Variants in PAIP1 observed in about 807,000 individuals in gnomAD.
PAIP1 encodes the protein polyadenylate-binding protein-interacting protein 1.
Under a neutral mutation model 61.3 loss-of-function variants are expected in PAIP1, and 16 were observed. The ratio of observed to expected loss-of-function variants is 0.26; its 90% CI spans 0.18 to 0.40. The LOEUF (loss-of-function observed/expected upper bound fraction) is 0.40. Ranked by LOEUF, PAIP1 falls within the 10% of genes least tolerant of loss-of-function variation. The pLI is 1.00. For missense variants in PAIP1, 416 were observed against 600.9 expected (o/e 0.69, Z 3.22); for synonymous variants, 187 against 226.2 (o/e 0.83, Z 1.56).
At chr5:43,547,590 A>G in intron 3 of PAIP1, 138 bp downstream of exon 3, 1 of 613,380 alleles carries the variant, frequency 1.6e-6, no homozygotes, top group Middle Eastern at 4.5e-4. Flanking sequence ...TACAAGACAG[A>G]CTTAGAACTC....
intron 2 of PAIP1, among the ~76,000 whole-genome samples, chr5:43,552,228 G>A (rs752477962): frequency 6.6e-6 from 1 of 152,318 alleles, no homozygotes; most frequent in East Asian, 1.9e-4. Flanking sequence ...TAAGGCAAGG[G>A]TGTGCAGGAG....
At chr5:43,534,783 T>C (rs1579909370) in intron 8 of PAIP1, 70 bp downstream of exon 8, 1 of 832,078 alleles carries the variant, frequency 1.2e-6, no homozygotes, top group Non-Finnish European at 2.1e-6. Context: ...AACAGCTTTA[T>C]GTAGCTCTTC....
At chr5:43,552,964 G>A in intron 2 of PAIP1, among the ~76,000 whole-genome samples, 1 of 152,192 alleles carries the variant, frequency 6.6e-6, no homozygotes, top group East Asian at 1.9e-4. Flanking sequence ...AACAGTGAGA[G>A]ACAGTGAATA....
intron 1 of PAIP1, 108 bp from the exon 2 acceptor site, chr5:43,556,107 A>C: frequency 6.9e-7 from 1 of 1,457,954 alleles, no homozygotes; most frequent in Non-Finnish European, 9.2e-7. Flanking sequence ...AGAGTTAAAC[A>C]GGAACCATCA....
intron 2 of PAIP1, among the ~76,000 whole-genome samples, chr5:43,548,889 A>C (rs1747745749): frequency 6.6e-6 from 1 of 152,232 alleles, no homozygotes; most frequent in South Asian, 2.1e-4. Context: ...TAGAAGAAAA[A>C]AAAAGTCATA....
chr5:43,551,514 C>T (rs1747866121), intron 2 of PAIP1, among the ~76,000 whole-genome samples: 1 of 152,146 alleles, frequency 6.6e-6, no homozygotes, highest in African/African-American at 2.4e-5. Context: ...TGTACACATT[C>T]ATATACTTAA....
chr5:43,551,014 T>A (rs1246868267), intron 2 of PAIP1, among the ~76,000 whole-genome samples: 1 of 151,990 alleles, frequency 6.6e-6, no homozygotes, highest in East Asian at 1.9e-4. Context: ...AAAAAGACAA[T>A]AACTAGAATA....
intron 3 of PAIP1, among the ~76,000 whole-genome samples, chr5:43,544,146 T>TAAAAA (rs568177939): frequency 5.5e-5 from 4 of 72,732 alleles, no homozygotes; most frequent in Admixed American, 1.9e-4. Context: ...CCCATCTTTT[T>TAAAAA]AAAAAAAAAA....
rs1339626902 is a variant in PAIP1 at position 43,526,484 on chromosome 5, A to G, written c.*892T>C. Reference sequence around the variant, plus strand: ...GCTGGAAAAAGATTTGACATTAGGTAAAAATATTATTTATTAGGGCTGAGG... The same window carrying G: ...GCTGGAAAAAGATTTGACATTAGGTGAAAATATTATTTATTAGGGCTGAGG... On this transcript the variant is annotated 3_prime_UTR_variant, in exon 11 of 11. Coordinates refer to ENST00000306846, the MANE Select transcript of PAIP1 (RefSeq NM_006451.5). 2 of 151,976 alleles carry G rather than the reference A, an allele frequency of 1.3e-5. No homozygotes were observed. Among genetic ancestry groups the G allele is most frequent in the Admixed American group, 1.3e-4 (2 of 15,168 alleles). The allele number at this position is 151,976 out of a possible 1,614,324, so 9.4% of individuals were successfully genotyped here.
At chr5:43,538,830 TG>T in intron 5 of PAIP1, 93 bp downstream of exon 5, 1 of 712,694 alleles carries the variant, frequency 1.4e-6, no homozygotes. Flanking sequence ...TCACTCTTAA[TG>T]TTGTAAAAGT....
intron 1 of PAIP1, 47 bp downstream of exon 1, chr5:43,556,535 G>A (rs1748087567): frequency 1.6e-6 from 2 of 1,240,198 alleles, no homozygotes; most frequent in Non-Finnish European, 2.0e-6. Context: ...AGGGCCGTGG[G>A]GAAGCGTTCG....
intron 6 of PAIP1, among the ~76,000 whole-genome samples, chr5:43,535,883 G>T (rs1255900209): frequency 1.3e-5 from 2 of 151,580 alleles, no homozygotes; most frequent in East Asian, 3.9e-4. Context: ...TTATGTCAAC[G>T]ACTGTTATAT....
chr5:43,545,191 T>C (rs1747586862), intron 3 of PAIP1, among the ~76,000 whole-genome samples: 1 of 152,242 alleles, frequency 6.6e-6, no homozygotes, highest in Non-Finnish European at 1.5e-5. Flanking sequence ...TTACAGCATG[T>C]GTGCTCATCT....
chr5:43,553,425 C>A (rs146640056), intron 2 of PAIP1, among the ~76,000 whole-genome samples: 261 of 152,268 alleles, frequency 1.7e-3, no homozygotes, highest in African/African-American at 6.0e-3. Context: ...GCAAACTGAG[C>A]CAGGAGACTA....
At chr5:43,536,462 A>G (rs1747160071) in intron 6 of PAIP1, among the ~76,000 whole-genome samples, 1 of 152,180 alleles carries the variant, frequency 6.6e-6, no homozygotes, top group East Asian at 1.9e-4. Flanking sequence ...AAAGAGGTAA[A>G]TCTCTGTGCC....
Position 43,556,002 on chromosome 5 carries a change from G to C in PAIP1, c.266-3C>G. 6.3e-7 allele frequency: 1 copy of C among 1,599,208 alleles called. No homozygotes were observed. Among genetic ancestry groups the C allele is most frequent in the East Asian group, 2.2e-5 (1 of 44,752 alleles). ...AGCTCTCAGGGGCCTCGTTTGCTCT[G>C]CAAAAGAAAAAAAAACGGGGCGTCA... On this transcript the variant is annotated splice_region_variant and splice_polypyrimidine_tract_variant and intron_variant, in intron 1 of 10. Transcript: ENST00000306846.
chr5:43,531,849 A>G (rs1368356512), intron 9 of PAIP1, among the ~76,000 whole-genome samples: 2 of 152,018 alleles, frequency 1.3e-5, no homozygotes, highest in South Asian at 2.1e-4. Flanking sequence ...CAAAAATTTT[A>G]TGTGTGATGA....
intron 2 of PAIP1, among the ~76,000 whole-genome samples, chr5:43,549,344 T>G (rs1361130140): frequency 2.6e-5 from 4 of 152,200 alleles, no homozygotes; most frequent in Non-Finnish European, 5.9e-5. Context: ...CAACTTGAAT[T>G]GTATCTCCCA....
At chr5:43,547,069 A>AAG (rs1747666773) in intron 3 of PAIP1, among the ~76,000 whole-genome samples, 1 of 149,054 alleles carries the variant, frequency 6.7e-6, no homozygotes, top group African/African-American at 2.5e-5. Flanking sequence ...AAAAAAAAAA[A>AAG]GCGTTAATAT....
Sources: allele counts gnomAD v4.1 joint callset (sites outside exome capture counted in the v4.1 genomes callset), GRCh38; gene constraint gnomAD v4.1.1; transcripts MANE v1.5; gene names NCBI Gene and HGNC (gene_info 2026-07-23, HGNC 2026-07-21).